Variants in AFF2 observed in about 807,000 individuals in gnomAD.
AFF2 encodes the protein ALF transcription elongation factor 2.
A neutral mutation model predicts 76.9 loss-of-function variants in AFF2; 14 were observed. The observed-to-expected ratio is 0.18, with a 90% CI of 0.12 to 0.28. The LOEUF (loss-of-function observed/expected upper bound fraction) is 0.28. Ranked by LOEUF, AFF2 falls within the 10% of genes least tolerant of loss-of-function variation. The pLI is 1.00. For synonymous variants in AFF2, 398 were observed against 366.7 expected, an observed-to-expected ratio of 1.09 and a Z score of -0.98; for missense variants, 868 against 1,001.1, an observed-to-expected ratio of 0.87 and a Z score of 1.79.
chrX:148,679,396 A>G (rs2054523049), intron 3 of AFF2, among the ~76,000 whole-genome samples: 1 of 109,937 alleles, frequency 9.1e-6, no homozygotes, highest in Non-Finnish European at 1.9e-5. Flanking sequence ...GCTAGAAATA[A>G]CAGTGCCGTG....
At chrX:148,627,262 G>C (rs782495681) in intron 1 of AFF2, among the ~76,000 whole-genome samples, 13 of 112,110 alleles carry the variant, frequency 1.2e-4, no homozygotes, top group African/African-American at 4.2e-4. Flanking sequence ...CAAATTCCAG[G>C]CAGGATCATT....
chrX:148,974,629 AT>A (rs1258101647), intron 16 of AFF2, among the ~76,000 whole-genome samples: 11 of 111,825 alleles, frequency 9.8e-5, no homozygotes, highest in Non-Finnish European at 1.7e-4. Context: ...AAAAAGAACT[AT>A]TTTTTTAAAG....
intron 1 of AFF2, among the ~76,000 whole-genome samples, chrX:148,625,692 A>G (rs1012167183): frequency 3.6e-5 from 4 of 111,852 alleles, no homozygotes; most frequent in African/African-American, 6.5e-5. Flanking sequence ...CATCAGAAAA[A>G]TGTCTTTGTT....
intron 3 of AFF2, among the ~76,000 whole-genome samples, chrX:148,664,829 A>T (rs1293489216): frequency 2.7e-5 from 3 of 112,525 alleles, no homozygotes; most frequent in Non-Finnish European, 3.7e-5. Context: ...GAAATCCATC[A>T]TGAGTTATAT....
At chrX:148,749,957 T>TTATTTATC (rs2055476766) in intron 3 of AFF2, among the ~76,000 whole-genome samples, 1 of 104,234 alleles carries the variant, frequency 9.6e-6, no homozygotes, top group Non-Finnish European at 1.9e-5. Flanking sequence ...CTTTATTTAT[T>TTATTTATC]TATTTATTTA....
At chrX:148,568,722 G>A in intron 1 of AFF2, among the ~76,000 whole-genome samples, 2 of 111,921 alleles carry the variant, frequency 1.8e-5, no homozygotes, top group Non-Finnish European at 3.8e-5. Flanking sequence ...AATTTAGATA[G>A]TATTTCTTTC....
chrX:148,564,365 A>G (rs782390946), intron 1 of AFF2, among the ~76,000 whole-genome samples: 17 of 109,447 alleles, frequency 1.6e-4, no homozygotes, highest in Non-Finnish European at 3.2e-4. Context: ...TGCCTATGTA[A>G]TTGTAGAGGA....
intron 1 of AFF2, among the ~76,000 whole-genome samples, chrX:148,561,706 T>C (rs1428761539): frequency 1.8e-5 from 2 of 111,201 alleles, no homozygotes; most frequent in Non-Finnish European, 3.8e-5. Flanking sequence ...TGGAATACAC[T>C]GCAGCCCTTA....
intron 1 of AFF2, among the ~76,000 whole-genome samples, chrX:148,620,108 C>T (rs1367502697): frequency 9.0e-6 from 1 of 111,258 alleles, no homozygotes; most frequent in African/African-American, 3.3e-5. Context: ...TCAGTCTCAA[C>T]AGAACTGTCA....
intron 1 of AFF2, among the ~76,000 whole-genome samples, chrX:148,519,892 T>C (rs1557234289): frequency 8.9e-6 from 1 of 112,409 alleles, no homozygotes; most frequent in Non-Finnish European, 1.9e-5. Context: ...CTGTTGTGTC[T>C]AAACATATTA....
chrX:148,697,578 T>A (rs1245790161), intron 3 of AFF2, among the ~76,000 whole-genome samples: 2 of 111,559 alleles, frequency 1.8e-5, no homozygotes, highest in African/African-American at 3.3e-5. Context: ...TTATATACAA[T>A]GTTCCTTCTG....
At chrX:148,925,924 G>A (rs897512581) in intron 9 of AFF2, among the ~76,000 whole-genome samples, 21 of 111,980 alleles carry the variant, frequency 1.9e-4, no homozygotes, top group African/African-American at 6.8e-4. Flanking sequence ...TTGTGGCCTT[G>A]GGCAATTTCT....
intron 3 of AFF2, among the ~76,000 whole-genome samples, chrX:148,793,868 GCCTGTATAGGAGATGAGAGTAT>G (rs1205985210): frequency 1.8e-5 from 2 of 112,100 alleles, no homozygotes; most frequent in African/African-American, 6.5e-5. Flanking sequence ...TCTGTCAGGA[GCCTGTATAGGAGATGAGAGTAT>G]CCACTCATTT....
chrX:148,584,232 C>T (rs1026020853), intron 1 of AFF2, among the ~76,000 whole-genome samples: 2 of 111,331 alleles, frequency 1.8e-5, no homozygotes, highest in Non-Finnish European at 3.8e-5. Flanking sequence ...CAGTTTAAAG[C>T]TTATTTTAAT....
chrX:148,810,397 T>C (rs1445719698), intron 4 of AFF2, among the ~76,000 whole-genome samples: 3 of 112,250 alleles, frequency 2.7e-5, no homozygotes, highest in Non-Finnish European at 5.6e-5. Context: ...AAGTGTTACT[T>C]ATGGAAGTGA....
At chrX:148,652,383 C>T (rs1201184274) in intron 2 of AFF2, among the ~76,000 whole-genome samples, 2 of 111,578 alleles carry the variant, frequency 1.8e-5, no homozygotes, top group African/African-American at 3.3e-5. Flanking sequence ...CAATGAGCCC[C>T]TCTCTGCCCA....
At chrX:148,504,946 C>T (rs904965623) in intron 1 of AFF2, among the ~76,000 whole-genome samples, 2 of 83,702 alleles carry the variant, frequency 2.4e-5, no homozygotes, top group Non-Finnish European at 4.3e-5. Flanking sequence ...GGAACACAAC[C>T]TTTGCCAACT....
chrX:148,977,847 C>A, intron 16 of AFF2, 86 bp from the exon 17 acceptor site: 1 of 679,298 alleles, frequency 1.5e-6, no homozygotes, highest in South Asian at 2.4e-5. Context: ...GGGAATAACT[C>A]ATTCAGGCAA....
In AFF2 at chrX:148,915,231, C is replaced by T. The variant is rs931858133; in HGVS notation, c.1397+10973C>T. On this transcript the variant is annotated intron_variant, in intron 9 of 20. Transcript: ENST00000370460. ...AAAATGTTTTTATTTGTAGAATTTACAGCATAGGGGTATATTACATGTCAT... is the reference window on the plus strand; with the variant it reads ...AAAATGTTTTTATTTGTAGAATTTATAGCATAGGGGTATATTACATGTCAT... 8.5e-4 allele frequency among the ~76,000 whole-genome samples: 96 copies of T among 112,467 alleles called. 1 individual carries two copies. The highest frequency in any genetic ancestry group is 1.9e-4 in the Non-Finnish European group (10 of 53,286).
Sources: allele counts gnomAD v4.1 joint callset (sites outside exome capture counted in the v4.1 genomes callset), GRCh38; gene constraint gnomAD v4.1.1; transcripts MANE v1.5; gene names NCBI Gene and HGNC (gene_info 2026-07-23, HGNC 2026-07-21).